Variants in NRG3 observed in about 807,000 individuals in gnomAD.
NRG3 encodes pro-neuregulin-3, membrane-bound isoform.
NRG3 carries 31 observed loss-of-function variants against 66.9 expected under a neutral mutation model. The observed-to-expected ratio is 0.46, with a 90% CI of 0.35 to 0.63. The LOEUF is 0.63. Ranked by LOEUF, NRG3 falls within the 20% of genes least tolerant of loss-of-function variation. The pLI is 0.00. For missense variants in NRG3, 910 were observed against 878.9 expected (o/e 1.04, Z -0.45); for synonymous variants, 393 against 359.4 (o/e 1.09, Z -1.06).
chr10:82,970,231 C>G (rs911058341), intron 6 of NRG3, among the ~76,000 whole-genome samples: 2 of 152,172 alleles, frequency 1.3e-5, no homozygotes. Flanking sequence ...TGTCAATTTG[C>G]TCTTCAAGTT....
At chr10:82,289,282 C>G (rs1470974670) in intron 1 of NRG3, among the ~76,000 whole-genome samples, 1 of 149,898 alleles carries the variant, frequency 6.7e-6, no homozygotes, top group African/African-American at 2.4e-5. Context: ...GTACCTGTCT[C>G]TCTGTCCCCC....
intron 1 of NRG3, among the ~76,000 whole-genome samples, chr10:82,154,759 G>A (rs1403147987): frequency 6.6e-6 from 1 of 150,460 alleles, no homozygotes; most frequent in Non-Finnish European, 1.5e-5. Flanking sequence ...AATTTTTTTT[G>A]GTTTTCACTT....
intron 2 of NRG3, among the ~76,000 whole-genome samples, chr10:82,589,232 C>T (rs1046972123): frequency 1.3e-5 from 2 of 152,168 alleles, no homozygotes; most frequent in Non-Finnish European, 2.9e-5. Flanking sequence ...GTAACGAAAG[C>T]ACAACCCAAG....
At chr10:82,236,917 G>A (rs1047134770) in intron 1 of NRG3, among the ~76,000 whole-genome samples, 2 of 151,824 alleles carry the variant, frequency 1.3e-5, no homozygotes, top group Non-Finnish European at 2.9e-5. Context: ...GGGTTTCACC[G>A]TGTTAGCCAG....
chr10:81,891,794 A>G (rs1843030922), intron 1 of NRG3, among the ~76,000 whole-genome samples: 1 of 152,140 alleles, frequency 6.6e-6, no homozygotes, highest in South Asian at 2.1e-4. Context: ...AAACTACTTG[A>G]TCTCTAGAAT....
chr10:82,251,690 C>T (rs113891557), intron 1 of NRG3, among the ~76,000 whole-genome samples: 1 of 152,106 alleles, frequency 6.6e-6, no homozygotes, highest in Admixed American at 6.6e-5. Flanking sequence ...TTCAAAGGTG[C>T]CTTTGTTTAA....
chr10:81,946,686 A>C (rs370463255), intron 1 of NRG3, among the ~76,000 whole-genome samples: 24 of 152,328 alleles, frequency 1.6e-4, no homozygotes, highest in African/African-American at 5.8e-4. Context: ...TTATGCTCAC[A>C]GGTTGCTACA....
chr10:82,728,979 T>TTG (rs78135733), intron 2 of NRG3, among the ~76,000 whole-genome samples: 23,377 of 151,352 alleles, frequency 0.15, 2,236 homozygotes, highest in South Asian at 0.23. Flanking sequence ...CAGTGTTTGT[T>TTG]TGTGTGTGTG....
chr10:82,395,235 T>C (rs753797955), intron 2 of NRG3, among the ~76,000 whole-genome samples: 1 of 152,174 alleles, frequency 6.6e-6, no homozygotes, highest in Non-Finnish European at 1.5e-5. Context: ...GGAAATATGG[T>C]GTAGGTCACT....
intron 3 of NRG3, among the ~76,000 whole-genome samples, chr10:82,760,451 A>C (rs760677356): frequency 2.0e-5 from 3 of 152,190 alleles, no homozygotes; most frequent in Non-Finnish European, 4.4e-5. Context: ...GCAGATAAAT[A>C]TAGCATACCA....
intron 1 of NRG3, among the ~76,000 whole-genome samples, chr10:81,959,934 C>T (rs1589602201): frequency 6.6e-6 from 1 of 151,992 alleles, no homozygotes; most frequent in Non-Finnish European, 1.5e-5. Context: ...TTACCATTTA[C>T]TATTTTTTAC....
At chr10:82,312,293 C>T (rs925810867) in intron 1 of NRG3, among the ~76,000 whole-genome samples, 1 of 152,164 alleles carries the variant, frequency 6.6e-6, no homozygotes, top group Non-Finnish European at 1.5e-5. Flanking sequence ...CCATTGAAGG[C>T]ATACTGTCAT....
intron 2 of NRG3, among the ~76,000 whole-genome samples, chr10:82,646,075 T>C (rs1228121819): frequency 2.0e-5 from 3 of 152,098 alleles, no homozygotes; most frequent in Admixed American, 1.3e-4. Flanking sequence ...GAAATAACAA[T>C]TTTCCATGAC....
chr10:81,945,036 C>T (rs73306534), intron 1 of NRG3, among the ~76,000 whole-genome samples: 2 of 152,096 alleles, frequency 1.3e-5, no homozygotes, highest in Admixed American at 6.6e-5. Context: ...CTACCTCCCC[C>T]AGACCTCCTT....
At chr10:82,851,425 C>T (rs1243396593) in intron 3 of NRG3, among the ~76,000 whole-genome samples, 3 of 152,150 alleles carry the variant, frequency 2.0e-5, no homozygotes, top group Non-Finnish European at 2.9e-5. Context: ...CAGCAGCATG[C>T]ATATTTATTG....
intron 1 of NRG3, among the ~76,000 whole-genome samples, chr10:82,114,770 G>A (rs2067599711): frequency 6.6e-6 from 1 of 152,060 alleles, no homozygotes; most frequent in Non-Finnish European, 1.5e-5. Flanking sequence ...ATTTCCCCTG[G>A]AAACTGTTCT....
At chr10:82,816,652 G>A (rs2061718179) in intron 3 of NRG3, among the ~76,000 whole-genome samples, 1 of 152,108 alleles carries the variant, frequency 6.6e-6, no homozygotes, top group South Asian at 2.1e-4. Context: ...GAGCCTGTCT[G>A]CCTCCTACTT....
chr10:82,893,150 G>A (rs1843320470), intron 4 of NRG3, among the ~76,000 whole-genome samples: 1 of 152,082 alleles, frequency 6.6e-6, no homozygotes, highest in Non-Finnish European at 1.5e-5. Context: ...TATATCTGAA[G>A]AACAGATACT....
At chr10:82,471,579 C>T (rs1211304459) in intron 2 of NRG3, among the ~76,000 whole-genome samples, 1 of 152,116 alleles carries the variant, frequency 6.6e-6, no homozygotes, top group African/African-American at 2.4e-5. Flanking sequence ...TGTAACATAA[C>T]TTCAGGGAAA....
Sources: allele counts gnomAD v4.1 joint callset (sites outside exome capture counted in the v4.1 genomes callset), GRCh38; gene constraint gnomAD v4.1.1; transcripts MANE v1.5; gene names NCBI Gene and HGNC (gene_info 2026-07-23, HGNC 2026-07-21).